Variants in YME1L1 observed in about 807,000 individuals in gnomAD.
YME1L1 encodes the protein ATP-dependent zinc metalloprotease YME1L1.
A neutral mutation model predicts 90.4 loss-of-function variants in YME1L1; 39 were observed. That is an observed-to-expected ratio of 0.43 (90% confidence interval 0.33 to 0.56). The LOEUF is 0.56. Ranked by LOEUF, YME1L1 falls within the 20% of genes least tolerant of loss-of-function variation. The probability of loss-of-function intolerance (pLI) is 0.03; values close to 1 mark genes in which losing one functional copy is unlikely to be tolerated. For missense variants in YME1L1, 617 were observed against 868.4 expected, an observed-to-expected ratio of 0.71 and a Z score of 3.64; for synonymous variants, 284 against 287.3, an observed-to-expected ratio of 0.99 and a Z score of 0.12.
chr10:27,125,849 G>A (rs11015549), intron 9 of YME1L1, among the ~76,000 whole-genome samples: 75,608 of 151,622 alleles, frequency 0.5, 21,613 homozygotes, highest in Non-Finnish European at 0.65. Flanking sequence ...ATGTTGGCCA[G>A]GCTGGTTGGA....
intron 2 of YME1L1, chr10:27,145,824 A>G (rs1238894949): frequency 9.8e-6 from 3 of 306,006 alleles, no homozygotes; most frequent in Non-Finnish European, 1.7e-5. Flanking sequence ...ATCCTTAAAT[A>G]AAGAGATGAC....
chr10:27,144,400 A>G (rs1449553367), intron 3 of YME1L1, among the ~76,000 whole-genome samples: 1 of 152,224 alleles, frequency 6.6e-6, no homozygotes, highest in Non-Finnish European at 1.5e-5. Context: ...GAATTAATGA[A>G]TTAAGTTTAT....
chr10:27,130,358 C>T (rs1295451526), intron 8 of YME1L1, among the ~76,000 whole-genome samples: 1 of 152,174 alleles, frequency 6.6e-6, no homozygotes, highest in Non-Finnish European at 1.5e-5. Flanking sequence ...TACACTCACT[C>T]CCTGGGTGAT....
At chr10:27,129,448 T>C (rs2056955449) in intron 8 of YME1L1, 1 of 152,188 alleles carries the variant, frequency 6.6e-6, no homozygotes, top group Non-Finnish European at 1.5e-5. Context: ...TGAAAAAACA[T>C]GGTTATGTAT....
chr10:27,149,356 G>A (rs561052780), intron 1 of YME1L1, among the ~76,000 whole-genome samples: 7 of 152,220 alleles, frequency 4.6e-5, no homozygotes, highest in African/African-American at 1.7e-4. Flanking sequence ...AACTCTCATC[G>A]AAACATTTAA....
chr10:27,149,167 G>GT (rs1294163275), intron 1 of YME1L1, 127 bp from the exon 2 acceptor site: 4 of 776,818 alleles, frequency 5.1e-6, no homozygotes, highest in African/African-American at 3.6e-5. Flanking sequence ...ACTAAAAACT[G>GT]TAAGTACTCA....
chr10:27,122,443 C>T (rs191371373), intron 11 of YME1L1, among the ~76,000 whole-genome samples: 5 of 152,236 alleles, frequency 3.3e-5, no homozygotes, highest in East Asian at 3.9e-4. Context: ...ATATTATGAA[C>T]ATTGATGTAA....
chr10:27,152,874 T>C (rs1442696220), intron 1 of YME1L1, among the ~76,000 whole-genome samples: 1 of 152,184 alleles, frequency 6.6e-6, no homozygotes, highest in Non-Finnish European at 1.5e-5. Context: ...CTATTCTCCA[T>C]ATAGCAAAAG....
At position 27,148,325 on chromosome 10, in the gene YME1L1, C is replaced by A. The variant is rs140517715; in HGVS notation, c.168+581G>T. ...TCAAGCTATTCTCTTGTCTCAGCCT[C>A]CTGAGTAGCTGGGACTACAGGCGCA... is the stretch of plus-strand genomic sequence containing the variant. On this transcript the variant is annotated intron_variant, in intron 2 of 18. Coordinates refer to ENST00000376016, the MANE Select transcript of YME1L1 (RefSeq NM_014263.4). Among the ~76,000 whole-genome samples the A allele has an allele frequency of 2.5e-3, 379 of 152,284 alleles. 4 individuals carry two copies. Among genetic ancestry groups the A allele is most frequent in the East Asian group, 0.018 (96 of 5,190 alleles).
chr10:27,149,212 C>A (rs1056296761), intron 1 of YME1L1, among the ~76,000 whole-genome samples, 172 bp from the exon 2 acceptor site: 12 of 152,066 alleles, frequency 7.9e-5, no homozygotes, highest in Non-Finnish European at 8.8e-5. Flanking sequence ...CTGGTATGTT[C>A]TTTCAGGATA....
chr10:27,146,508 G>A (rs1202245519), intron 2 of YME1L1: 1 of 152,214 alleles, frequency 6.6e-6, no homozygotes, highest in Non-Finnish European at 1.5e-5. Flanking sequence ...AAGGTGGGAA[G>A]ATCGTTTGAG....
At chr10:27,129,063 G>A (rs2056949439) in intron 8 of YME1L1, among the ~76,000 whole-genome samples, 1 of 138,256 alleles carries the variant, frequency 7.2e-6, no homozygotes, top group African/African-American at 2.7e-5. Context: ...TCCAGCCTGG[G>A]CAAGAGAGCA....
Position 27,116,011 on chromosome 10 carries a change from C to T in YME1L1, c.1920+49G>A, listed in dbSNP as rs1264644162. The T allele has an allele frequency of 4.6e-6, 7 of 1,509,578 alleles. No individual in the cohort carries two copies. The South Asian group carries it at 8.1e-5, about 18-fold the overall frequency. The allele number at this position is 1,509,578 out of a possible 1,614,324, so 93.5% of individuals were successfully genotyped here. The stretch of plus-strand genomic sequence containing the variant: ...TAATCAGAACCAGCTCTCAAATCAA[C>T]ACTTGACACATAATTTGATACATGA... On this transcript the variant is annotated intron_variant, in intron 17 of 18. Transcript: ENST00000376016.
At chr10:27,145,311 A>AC in intron 3 of YME1L1, 117 bp downstream of exon 3, 1 of 874,520 alleles carries the variant, frequency 1.1e-6, no homozygotes, top group Non-Finnish European at 1.6e-6. Context: ...CAAAAAAAAA[A>AC]CACTTCAGGA....
At chr10:27,134,205 TTAA>T (rs2057003990) in intron 6 of YME1L1, 83 bp from the exon 7 acceptor site, 2 of 1,061,506 alleles carry the variant, frequency 1.9e-6, no homozygotes, top group Non-Finnish European at 1.4e-6. Flanking sequence ...TAGGTTATTG[TTAA>T]TAATCATATT....
intron 17 of YME1L1, 46 bp downstream of exon 17, chr10:27,116,014 T>C (rs1477867734): frequency 2.6e-6 from 4 of 1,530,108 alleles, no homozygotes; most frequent in East Asian, 2.3e-5. Context: ...AAATCAACAC[T>C]TGACACATAA....
At chr10:27,114,284 C>T (rs2056789611) in intron 18 of YME1L1, among the ~76,000 whole-genome samples, 2 of 152,068 alleles carry the variant, frequency 1.3e-5, no homozygotes, top group African/African-American at 2.4e-5. Flanking sequence ...GTTCTTAGCC[C>T]GTGTCCAGGT....
chr10:27,140,628 G>C (rs549825259), intron 4 of YME1L1, among the ~76,000 whole-genome samples: 1 of 152,008 alleles, frequency 6.6e-6, no homozygotes, highest in Non-Finnish European at 1.5e-5. Context: ...ACAGGCACAC[G>C]CCACCATGCC....
intron 4 of YME1L1, among the ~76,000 whole-genome samples, chr10:27,141,372 A>AAAAAC (rs968209253): frequency 4.6e-5 from 7 of 152,180 alleles, no homozygotes; most frequent in East Asian, 1.9e-4. Flanking sequence ...ACTCCATCTC[A>AAAAAC]AAAACAAAAC....
Sources: allele counts gnomAD v4.1 joint callset (sites outside exome capture counted in the v4.1 genomes callset), GRCh38; gene constraint gnomAD v4.1.1; transcripts MANE v1.5; gene names NCBI Gene and HGNC (gene_info 2026-07-23, HGNC 2026-07-21).